The following USP24 variants were observed in gnomAD, a reference collection of about 807,000 sequenced individuals.
USP24 encodes the protein ubiquitin carboxyl-terminal hydrolase 24.
A neutral mutation model predicts 361.6 loss-of-function variants in USP24; 97 were observed. The ratio of observed to expected loss-of-function variants is 0.27; its 90% confidence interval spans 0.23 to 0.32. The LOEUF (loss-of-function observed/expected upper bound fraction) is 0.32. USP24 is among the 10% of genes least tolerant of loss of function. The pLI is 1.00. For synonymous variants in USP24, 1,098 were observed against 1,124.6 expected (o/e 0.98, Z 0.47); for missense variants, 2,353 against 3,165.6 (o/e 0.74, Z 6.16).
At position 55,100,949 on chromosome 1, in the gene USP24, C is replaced by G. The variant is rs1220767159; in HGVS notation, c.5161G>C (p.Asp1721His). ...TCATCTGGATTGTCTGTGTCATCAT[C>G]CACTGAAAGTAATGACTGCACAGAA... ...PGLPESLLSV[D>H]DDTDNPDDSV... is the part of the protein sequence containing the mutation. The change falls in exon 44 of 68, where the codon GAT becomes CAT. Residue 1721 changes from aspartate to histidine, a missense_variant. Asp to His is a moderately conservative substitution (Grantham distance 81). This residue lies in a region of USP24 where 949 missense variants were observed against 1,280.5 expected (regional missense o/e 0.74). Transcript: ENST00000294383. The G allele has an allele frequency of 8.1e-6, 13 of 1,611,238 alleles. No individual in the cohort carries two copies. Among genetic ancestry groups the G allele is most frequent in the Non-Finnish European group, 1.1e-5 (13 of 1,179,238 alleles).
rs759075486 is a variant in USP24 at position 55,146,933 on chromosome 1, C to T, written c.2246G>A (p.Arg749Lys). 2 of 1,612,100 alleles carry T rather than the reference C, an allele frequency of 1.2e-6. No homozygotes were observed. The highest frequency in any genetic ancestry group is 1.7e-4 in the Middle Eastern group (1 of 6,048). ...TCCACAATACCACCTTCTTACCTCT[C>T]TATCTAATTCACAAACATCCTGGCC... Reference protein sequence around the residue: ...VTGQDVCELDREMCFEWFTKG... With the variant: ...VTGQDVCELDKEMCFEWFTKG... Residue 749 changes from arginine to lysine, a missense_variant, in exon 19 of 68, where the codon AGA (arginine) becomes AAA (lysine). Coordinates refer to ENST00000294383, the MANE Select transcript of USP24 (RefSeq NM_015306.3).
At position 55,136,729 on chromosome 1, in the gene USP24, T is replaced by C. The variant is rs116588695; in HGVS notation, c.3201+786A>G. Among the ~76,000 whole-genome samples the C allele has an allele frequency of 2.6e-3, 397 of 152,142 alleles. 2 individuals are homozygous for C. The highest frequency in any genetic ancestry group is 9.3e-3 in the African/African-American group (384 of 41,508). On this transcript the variant is annotated intron_variant, in intron 28 of 67. Coordinates refer to ENST00000294383, the MANE Select transcript of USP24 (RefSeq NM_015306.3). ...ACTAGAAGACTGGAGATGCCATCAT[T>C]TGAGATACAACAAGGCTGTGGGAAG... is the stretch of plus-strand genomic sequence containing the variant.
chr1:55,115,445 G>A (rs1226266544), intron 38 of USP24, among the ~76,000 whole-genome samples: 28 of 123,962 alleles, frequency 2.3e-4, no homozygotes, highest in Admixed American at 6.4e-4. Context: ...GCAGTGAGCC[G>A]AGATCCCGCC....
intron 1 of USP24, among the ~76,000 whole-genome samples, chr1:55,187,881 G>C (rs561996058): frequency 1.3e-5 from 2 of 152,038 alleles, no homozygotes; most frequent in African/African-American, 4.8e-5. Context: ...AACACAATCC[G>C]CATCAAAATT....
intron 38 of USP24, among the ~76,000 whole-genome samples, chr1:55,114,232 G>A (rs1004594080): frequency 6.6e-6 from 1 of 152,188 alleles, no homozygotes; most frequent in Admixed American, 6.5e-5. Flanking sequence ...ACTGCTCAAG[G>A]AAATAAGAGA....
At chr1:55,072,907 G>GT (rs1190509564) in intron 64 of USP24, 46 bp from the exon 65 acceptor site, 2 of 1,532,862 alleles carry the variant, frequency 1.3e-6, no homozygotes, top group African/African-American at 2.7e-5. Context: ...TTCTTTGCTT[G>GT]TTCCTAGTGC....
rs749114812 is a variant in USP24, at chr1:55,147,063, G to T, written c.2119-3C>A. 2 of 1,553,848 alleles carry T rather than the reference G, an allele frequency of 1.3e-6. No individual in the cohort carries two copies. Among genetic ancestry groups the T allele is most frequent in the Middle Eastern group, 3.5e-4 (2 of 5,774 alleles). The stretch of plus-strand genomic sequence containing the variant: ...AATTTTAGATGTGCCTCTAAATACT[G>T]CAAAAAGAAATAATGCTAATTAGTT... On this transcript the variant is annotated splice_polypyrimidine_tract_variant and splice_region_variant and intron_variant, in intron 18 of 67. Transcript: ENST00000294383.
chr1:55,117,457 G>A (rs189095038), intron 38 of USP24, among the ~76,000 whole-genome samples: 16 of 152,328 alleles, frequency 1.1e-4, no homozygotes, highest in African/African-American at 3.4e-4. Context: ...GGCCGGGCGC[G>A]GTGGCTCACG....
In USP24 at chr1:55,141,751, C is replaced by T. The variant is rs746563064; in HGVS notation, c.2635-20G>A. 2.5e-6 allele frequency: 4 copies of T among 1,574,394 alleles called. No homozygotes were observed. Among genetic ancestry groups the T allele is most frequent in the Non-Finnish European group, 1.7e-6 (2 of 1,156,972 alleles). On this transcript the variant is annotated intron_variant, in intron 23 of 67. Transcript: ENST00000294383. ...GGCTGCCTAAAAAATACCAAACAGT[C>T]ATTCTCTATCAGGGTTTCTCAACCT...
intron 49 of USP24, 90 bp downstream of exon 49, chr1:55,096,862 G>A: frequency 6.8e-7 from 1 of 1,471,826 alleles, no homozygotes. Flanking sequence ...CAATGCCAAA[G>A]TGTCCCTGCA....
At chr1:55,189,866 TA>T (rs1265318310) in intron 1 of USP24, among the ~76,000 whole-genome samples, 4 of 151,904 alleles carry the variant, frequency 2.6e-5, no homozygotes, top group Non-Finnish European at 4.4e-5. Context: ...AAACAGCAAT[TA>T]AAAAATATTA....
chr1:55,107,670 C>T (rs1645814419), intron 39 of USP24, among the ~76,000 whole-genome samples: 2 of 151,518 alleles, frequency 1.3e-5, no homozygotes. Flanking sequence ...GGTGAAACCC[C>T]ATCTCTACTA....
At chr1:55,195,025 A>G (rs1296462455) in intron 1 of USP24, among the ~76,000 whole-genome samples, 1 of 151,920 alleles carries the variant, frequency 6.6e-6, no homozygotes, top group Non-Finnish European at 1.5e-5. Context: ...ACAAAACAAA[A>G]CAAAACAAAA....
At chr1:55,145,901 G>T in intron 20 of USP24, 97 bp downstream of exon 20, 1 of 839,136 alleles carries the variant, frequency 1.2e-6, no homozygotes, top group Non-Finnish European at 1.9e-6. Flanking sequence ...ATTCCTAACT[G>T]TTTAGTTGCT....
chr1:55,094,122 A>T (rs1187903299), intron 51 of USP24, 35 bp from the exon 52 acceptor site: 1 of 1,572,378 alleles, frequency 6.4e-7, no homozygotes, highest in East Asian at 2.3e-5. Context: ...TGTCTAGTAT[A>T]AAGTGGCTAT....
At chr1:55,179,143 T>C (rs1449899776) in intron 1 of USP24, among the ~76,000 whole-genome samples, 1 of 152,174 alleles carries the variant, frequency 6.6e-6, no homozygotes, top group Non-Finnish European at 1.5e-5. Flanking sequence ...TCCAATTAAG[T>C]CTCAGTCCTA....
At chr1:55,182,161 C>T (rs1158869291) in intron 1 of USP24, among the ~76,000 whole-genome samples, 1 of 152,248 alleles carries the variant, frequency 6.6e-6, no homozygotes, top group Non-Finnish European at 1.5e-5. Flanking sequence ...AAGCGATTCT[C>T]CTGCCTCAGC....
At chr1:55,138,771 C>G in intron 25 of USP24, 53 bp from the exon 26 acceptor site, 1 of 1,390,920 alleles carries the variant, frequency 7.2e-7, no homozygotes. Flanking sequence ...ATAAACACAT[C>G]AAAAATACAT....
At chr1:55,098,847 C>A (rs1297948857) in intron 45 of USP24, among the ~76,000 whole-genome samples, 1 of 152,156 alleles carries the variant, frequency 6.6e-6, no homozygotes, top group Non-Finnish European at 1.5e-5. Flanking sequence ...AAGTTAGGGG[C>A]AACTCTCAGC....
Sources: gnomAD v4.1 joint callset for allele counts (sites outside exome capture counted in the v4.1 genomes callset) on GRCh38, gnomAD v4.1.1 for gene constraint, gnomAD v4.1.1 regional missense constraint, MANE v1.5 for transcripts, NCBI Gene and HGNC (gene_info 2026-07-23, HGNC 2026-07-21) for gene names.